Variants in KIF18A observed in about 807,000 individuals in gnomAD.
KIF18A encodes kinesin family member 18A.
Under a neutral mutation model 103.3 loss-of-function variants are expected in KIF18A, and 67 were observed. That is an observed-to-expected ratio of 0.65 (90% confidence interval 0.53 to 0.79). The LOEUF is 0.79. KIF18A is among the 30% of genes least tolerant of loss of function. KIF18A has a pLI of 0.00. For synonymous variants in KIF18A, 367 were observed against 355.5 expected, an observed-to-expected ratio of 1.03 and a Z score of -0.36; for missense variants, 1,032 against 1,062.5, an observed-to-expected ratio of 0.97 and a Z score of 0.40.
rs190345400 is a variant in KIF18A at position 28,029,050 on chromosome 11, C to T, written c.2505-5200G>A. Among the ~76,000 whole-genome samples the T allele has an allele frequency of 9.5e-4, 145 of 152,102 alleles. 1 individual carries two copies. The highest frequency in any genetic ancestry group is 3.4e-3 in the African/African-American group (142 of 41,500). ...AGGCAATAATTAATAGCATACCAACCGAAAAAAGTCCAGGACCGGGCGGAT... is the reference window on the plus strand; with the variant it reads ...AGGCAATAATTAATAGCATACCAACTGAAAAAAGTCCAGGACCGGGCGGAT... On this transcript the variant is annotated intron_variant, in intron 15 of 16. Transcript: ENST00000263181.
intron 13 of KIF18A, among the ~76,000 whole-genome samples, chr11:28,045,066 T>C (rs558133116): frequency 2.0e-5 from 3 of 152,156 alleles, no homozygotes; most frequent in Non-Finnish European, 2.9e-5. Flanking sequence ...CTCTCAAATG[T>C]GTAGGATTTT....
At chr11:28,092,617 A>C (rs1423311513) in intron 3 of KIF18A, among the ~76,000 whole-genome samples, 1 of 152,192 alleles carries the variant, frequency 6.6e-6, no homozygotes, top group Non-Finnish European at 1.5e-5. Flanking sequence ...AAAGTTTATT[A>C]CTTGCTAACC....
intron 10 of KIF18A, among the ~76,000 whole-genome samples, chr11:28,071,246 T>A (rs116724759): frequency 6.6e-6 from 1 of 152,102 alleles, no homozygotes; most frequent in East Asian, 1.9e-4. Context: ...ATACAGTTAG[T>A]TGCACAGTAG....
intron 13 of KIF18A, among the ~76,000 whole-genome samples, chr11:28,039,790 A>G (rs1334727754): frequency 6.6e-6 from 1 of 151,742 alleles, no homozygotes; most frequent in Non-Finnish European, 1.5e-5. Context: ...AATAGCATGG[A>G]GATGTGGTAG....
chr11:28,057,002 C>A, intron 13 of KIF18A: 1 of 289,920 alleles, frequency 3.4e-6, no homozygotes, highest in Non-Finnish European at 6.6e-6. Flanking sequence ...GTTAAAAGTC[C>A]AATAAATTGA....
chr11:28,093,700 G>A (rs1350532902), intron 3 of KIF18A, among the ~76,000 whole-genome samples: 2 of 152,042 alleles, frequency 1.3e-5, no homozygotes, highest in Non-Finnish European at 2.9e-5. Context: ...AAATGCAGGA[G>A]GCTGATATAA....
intron 3 of KIF18A, among the ~76,000 whole-genome samples, chr11:28,092,581 C>T (rs761680900): frequency 2.6e-5 from 4 of 151,870 alleles, no homozygotes; most frequent in South Asian, 2.1e-4. Flanking sequence ...ACTAGTGACC[C>T]GATTTTATGA....
chr11:28,034,845 C>G (rs1850461963), intron 15 of KIF18A, among the ~76,000 whole-genome samples: 1 of 151,722 alleles, frequency 6.6e-6, no homozygotes, highest in South Asian at 2.1e-4. Flanking sequence ...TCCATCCTGG[C>G]TATCATGGTT....
intron 9 of KIF18A, among the ~76,000 whole-genome samples, chr11:28,080,625 G>A (rs1851153997): frequency 6.6e-6 from 1 of 152,048 alleles, no homozygotes; most frequent in Non-Finnish European, 1.5e-5. Flanking sequence ...CGGCTCCACT[G>A]ACTGGCTGTT....
intron 13 of KIF18A, among the ~76,000 whole-genome samples, chr11:28,050,023 A>G (rs1332362860): frequency 6.6e-6 from 1 of 151,826 alleles, no homozygotes; most frequent in East Asian, 1.9e-4. Context: ...TAGTTCCCTA[A>G]TACATAGGGA....
chr11:28,075,606 C>T (rs868232052), intron 10 of KIF18A, among the ~76,000 whole-genome samples: 2 of 151,832 alleles, frequency 1.3e-5, no homozygotes, highest in East Asian at 1.9e-4. Context: ...TTTGTTCATT[C>T]TTATATTTTC....
At chr11:28,095,142 C>T (rs530819623) in intron 2 of KIF18A, among the ~76,000 whole-genome samples, 8 of 152,310 alleles carry the variant, frequency 5.3e-5, no homozygotes, top group South Asian at 2.1e-4. Context: ...AATTGGAATA[C>T]GTTAAACCTT....
At chr11:28,076,969 T>C (rs1851101278) in intron 10 of KIF18A, 38 bp downstream of exon 10, 2 of 1,172,424 alleles carry the variant, frequency 1.7e-6, no homozygotes, top group Admixed American at 3.4e-5. Context: ...CCCATGTTTT[T>C]ATACTTTCTA....
intron 15 of KIF18A, among the ~76,000 whole-genome samples, chr11:28,029,482 C>G (rs1220621574): frequency 6.6e-6 from 1 of 152,130 alleles, no homozygotes; most frequent in Non-Finnish European, 1.5e-5. Flanking sequence ...TTCAACAGCC[C>G]TTCATGCTAA....
chr11:28,099,925 T>C (rs1178129122), intron 1 of KIF18A, among the ~76,000 whole-genome samples: 2 of 152,108 alleles, frequency 1.3e-5, no homozygotes, highest in Non-Finnish European at 2.9e-5. Flanking sequence ...GACTAGTCTA[T>C]TGAAGTAATG....
intron 11 of KIF18A, among the ~76,000 whole-genome samples, chr11:28,062,918 T>C (rs569577756): frequency 1.3e-5 from 2 of 152,188 alleles, no homozygotes; most frequent in South Asian, 4.1e-4. Context: ...TTTACTCTAT[T>C]GATGAGTAAC....
intron 13 of KIF18A, among the ~76,000 whole-genome samples, chr11:28,052,381 C>A (rs919064480): frequency 4.6e-5 from 7 of 152,084 alleles, no homozygotes; most frequent in Non-Finnish European, 8.8e-5. Flanking sequence ...TCTCTCTGAT[C>A]TCCTCACTAC....
In KIF18A at chr11:28,094,611, A is replaced by C. The variant is rs780418514; in HGVS notation, c.483+32T>G. 3 of 1,507,374 alleles carry C rather than the reference A, an allele frequency of 2.0e-6. No individual in the cohort carries two copies. The African/African-American group carries it at 4.2e-5, about 21-fold the overall frequency. The allele number at this position is 1,507,374 out of a possible 1,614,324, so 93.4% of individuals were successfully genotyped here. A position where few individuals can be genotyped will look rare whatever the true frequency, so the allele number is the denominator to read the frequency against. ...TATGAATCATGTCAATGATTTCCCA[A>C]AACTATTGATTAATCTAAATTCCCA... On this transcript the variant is annotated intron_variant, in intron 3 of 16. Coordinates refer to ENST00000263181, the MANE Select transcript of KIF18A (RefSeq NM_031217.4).
chr11:28,100,853 G>C (rs951620246), intron 1 of KIF18A, among the ~76,000 whole-genome samples: 1 of 152,020 alleles, frequency 6.6e-6, no homozygotes, highest in Non-Finnish European at 1.5e-5. Flanking sequence ...CTGAGCTTCC[G>C]TCTAGCCAAG....
Sources: allele counts gnomAD v4.1 joint callset (sites outside exome capture counted in the v4.1 genomes callset), GRCh38; gene constraint gnomAD v4.1.1; transcripts MANE v1.5; gene names NCBI Gene and HGNC (gene_info 2026-07-23, HGNC 2026-07-21).